The following ESRRG variants were observed in gnomAD, a reference collection of about 807,000 sequenced individuals.
ESRRG encodes the protein estrogen-related receptor gamma.
A neutral mutation model predicts 44.0 loss-of-function variants in ESRRG; 13 were observed. The observed-to-expected ratio is 0.30, with a 90% confidence interval of 0.19 to 0.47. The LOEUF (loss-of-function observed/expected upper bound fraction) is 0.47, where lower values mean the gene tolerates loss of function less well. ESRRG is among the 20% of genes least tolerant of loss of function. The pLI is 1.00. For missense variants in ESRRG, 395 were observed against 580.6 expected (o/e 0.68, Z 3.29); for synonymous variants, 215 against 214.6 (o/e 1.00, Z -0.02).
chr1:216,662,934 T>C (rs1162936132), intron 2 of ESRRG, among the ~76,000 whole-genome samples: 1 of 152,206 alleles, frequency 6.6e-6, no homozygotes, highest in Non-Finnish European at 1.5e-5. Context: ...TAGCCATCTC[T>C]TGTCTAAACC....
At chr1:216,759,852 G>A (rs970934623) in intron 2 of ESRRG, among the ~76,000 whole-genome samples, 21 of 152,256 alleles carry the variant, frequency 1.4e-4, no homozygotes, top group African/African-American at 3.8e-4. Flanking sequence ...TAGAAGGGAT[G>A]AGGGGACAAG....
At chr1:217,038,912 G>A (rs1317921791) in intron 1 of ESRRG, among the ~76,000 whole-genome samples, 2 of 152,140 alleles carry the variant, frequency 1.3e-5, no homozygotes, top group Admixed American at 6.5e-5. Context: ...GCCTTTAACA[G>A]CAAGTAAGTC....
At chr1:217,052,944 A>G (rs1284524133) in intron 1 of ESRRG, among the ~76,000 whole-genome samples, 1 of 152,136 alleles carries the variant, frequency 6.6e-6, no homozygotes, top group African/African-American at 2.4e-5. Context: ...CTAAAGATGG[A>G]CATGGAGATC....
intron 1 of ESRRG, among the ~76,000 whole-genome samples, chr1:217,071,133 T>C (rs1416149485): frequency 3.3e-5 from 5 of 152,244 alleles, no homozygotes; most frequent in African/African-American, 7.2e-5. Context: ...ATTTCTGTGA[T>C]TATTAAATAG....
chr1:217,090,493 A>C (rs1007556440), upstream of ESRRG: 1 of 152,146 alleles, frequency 6.6e-6, no homozygotes, highest in African/African-American at 2.4e-5. Context: ...CCAGACACTC[A>C]TGTTCGCGGC....
intron 1 of ESRRG, among the ~76,000 whole-genome samples, chr1:216,972,870 T>C (rs910283075): frequency 1.3e-5 from 2 of 152,216 alleles, no homozygotes; most frequent in African/African-American, 2.4e-5. Context: ...TTCTGGTTGA[T>C]ATTAAAATGA....
chr1:217,114,664 TTTC>T (rs931716130), intron 1 of ESRRG, among the ~76,000 whole-genome samples: 1 of 135,286 alleles, frequency 7.4e-6, no homozygotes, highest in Non-Finnish European at 1.6e-5. Context: ...GTCCAAAAGA[TTTC>T]TTTTTTTTTT....
At chr1:216,614,520 C>T (rs2061147006) in intron 3 of ESRRG, among the ~76,000 whole-genome samples, 1 of 152,174 alleles carries the variant, frequency 6.6e-6, no homozygotes, top group African/African-American at 2.4e-5. Context: ...ACAATGAATT[C>T]TGATTTTTTC....
At chr1:217,034,843 T>C (rs1558047132) in intron 1 of ESRRG, among the ~76,000 whole-genome samples, 1 of 152,128 alleles carries the variant, frequency 6.6e-6, no homozygotes, top group Non-Finnish European at 1.5e-5. Flanking sequence ...AGACAAATTG[T>C]GGGCAAGTAA....
intron 2 of ESRRG, among the ~76,000 whole-genome samples, chr1:216,836,960 G>A (rs1559818340): frequency 6.6e-6 from 1 of 151,968 alleles, no homozygotes; most frequent in Non-Finnish European, 1.5e-5. Context: ...ACACACCACA[G>A]ACACACACAC....
chr1:216,988,872 A>C (rs1373568241), intron 1 of ESRRG, among the ~76,000 whole-genome samples: 2 of 152,212 alleles, frequency 1.3e-5, no homozygotes, highest in Non-Finnish European at 2.9e-5. Context: ...TGAATGAAAA[A>C]TAAGTGTGCC....
At chr1:216,708,787 C>T (rs1014850518) in intron 1 of ESRRG, among the ~76,000 whole-genome samples, 1 of 152,118 alleles carries the variant, frequency 6.6e-6, no homozygotes, top group African/African-American at 2.4e-5. Context: ...CAGCCCTGTT[C>T]ACAATAGCAA....
At chr1:216,940,330 A>G (rs761748716) in intron 1 of ESRRG, among the ~76,000 whole-genome samples, 6 of 152,212 alleles carry the variant, frequency 3.9e-5, no homozygotes, top group African/African-American at 1.2e-4. Context: ...TATTCTATCA[A>G]TTTCAACCTA....
intron 3 of ESRRG, among the ~76,000 whole-genome samples, chr1:216,627,538 T>A (rs1012745457): frequency 1.4e-4 from 21 of 152,192 alleles, no homozygotes; most frequent in African/African-American, 4.8e-4. Flanking sequence ...GGTCAAGATA[T>A]AAACATTGAA....
chr1:216,789,454 T>G (rs367582766), intron 2 of ESRRG, among the ~76,000 whole-genome samples: 6 of 152,248 alleles, frequency 3.9e-5, no homozygotes, highest in Admixed American at 3.3e-4. Context: ...TTAATGCTAT[T>G]GCAGCACACT....
upstream of ESRRG, among the ~76,000 whole-genome samples, chr1:216,725,906 A>C (rs2087427064): frequency 6.6e-6 from 1 of 152,156 alleles, no homozygotes; most frequent in African/African-American, 2.4e-5. Context: ...ATGGCTTTTT[A>C]AAGACAAGAT....
chr1:217,043,806 T>G (rs2084327520), intron 1 of ESRRG, among the ~76,000 whole-genome samples: 1 of 152,138 alleles, frequency 6.6e-6, no homozygotes, highest in South Asian at 2.1e-4. Flanking sequence ...GAGCTAAATG[T>G]CAGTTATCTG....
rs1046794632 is a variant in ESRRG, at chr1:216,994,569, G to C, written c.-105-54896C>G. Among the ~76,000 whole-genome samples the C allele has an allele frequency of 2.6e-5, 4 of 152,200 alleles. 1 individual carries two copies. On this transcript the variant is annotated intron_variant, in intron 1 of 7. Coordinates refer to the ESRRG transcript ENST00000359162. The stretch of plus-strand genomic sequence containing the variant: ...CTTGTATTTGACAACACTCAATTCA[G>C]TCCTAACCGTTCGACAACTTCTTTT...
At chr1:216,948,893 G>A (rs1207423083) in intron 1 of ESRRG, among the ~76,000 whole-genome samples, 2 of 152,072 alleles carry the variant, frequency 1.3e-5, no homozygotes, top group Non-Finnish European at 2.9e-5. Flanking sequence ...GACACCATTT[G>A]GTGCACTTTT....
Sources: gnomAD v4.1 joint callset for allele counts (sites outside exome capture counted in the v4.1 genomes callset) on GRCh38, gnomAD v4.1.1 for gene constraint, MANE v1.5 for transcripts, NCBI Gene and HGNC (gene_info 2026-07-23, HGNC 2026-07-21) for gene names.